DOCK1: variants seen among roughly 807,000 people sequenced by gnomAD.
DOCK1 encodes dedicator of cytokinesis protein 1.
In DOCK1, 138 loss-of-function variants were observed where a neutral mutation model predicts 262.7. The ratio of observed to expected loss-of-function variants is 0.53; its 90% confidence interval spans 0.46 to 0.61. The LOEUF is 0.61. Among genes scored for constraint, DOCK1 ranks in the 20% least tolerant of loss-of-function variants. DOCK1 has a pLI of 0.00. For synonymous variants in DOCK1, 866 were observed against 867.4 expected (o/e 1.00, Z 0.03); for missense variants, 1,908 against 2,370.7 (o/e 0.80, Z 4.05).
At chr10:126,976,656 C>T (rs111638449) in intron 2 of DOCK1, among the ~76,000 whole-genome samples, 1,651 of 152,174 alleles carry the variant, frequency 0.011, 32 homozygotes, top group African/African-American at 0.036. Context: ...GGAATTTACC[C>T]AGCTCACGTT....
At chr10:127,342,627 TTAAAAA>T (rs1408075776) in intron 30 of DOCK1, among the ~76,000 whole-genome samples, 17 of 152,314 alleles carry the variant, frequency 1.1e-4, no homozygotes, top group South Asian at 4.1e-4. Flanking sequence ...TCTCAGGTAA[TTAAAAA>T]TAGAGTCAAT....
chr10:127,156,278 A>G (rs754392597), intron 27 of DOCK1, among the ~76,000 whole-genome samples: 2 of 152,102 alleles, frequency 1.3e-5, no homozygotes, highest in South Asian at 2.1e-4. Flanking sequence ...ATACAGTCAC[A>G]CTTCAGGTCC....
chr10:127,345,696 C>G (rs922260206), intron 31 of DOCK1, among the ~76,000 whole-genome samples: 2 of 152,226 alleles, frequency 1.3e-5, no homozygotes. Context: ...CAGCCCACCA[C>G]CTTGGGGCCT....
chr10:127,090,715 T>G (rs1220873758), intron 23 of DOCK1, among the ~76,000 whole-genome samples: 6 of 152,182 alleles, frequency 3.9e-5, no homozygotes, highest in African/African-American at 1.4e-4. Flanking sequence ...ACGATTAGCT[T>G]CTTCTGCGTA....
chr10:127,292,229 A>AG (rs765669810), intron 29 of DOCK1, among the ~76,000 whole-genome samples: 41 of 146,198 alleles, frequency 2.8e-4, no homozygotes, highest in African/African-American at 1.0e-3. Context: ...TTTTCGGGGG[A>AG]GGGGGGGCCC....
intron 27 of DOCK1, among the ~76,000 whole-genome samples, chr10:127,245,130 T>C (rs2059388973): frequency 6.6e-6 from 1 of 152,194 alleles, no homozygotes; most frequent in African/African-American, 2.4e-5. Context: ...CTTCATGGTA[T>C]CTGCAGTATT....
intron 27 of DOCK1, among the ~76,000 whole-genome samples, chr10:127,181,119 G>A (rs1003985149): frequency 2.0e-5 from 3 of 152,168 alleles, no homozygotes; most frequent in Non-Finnish European, 2.9e-5. Flanking sequence ...ATCTTTTATT[G>A]TTTTGAGGGA....
intron 24 of DOCK1, among the ~76,000 whole-genome samples, chr10:127,106,861 C>T (rs887836909): frequency 6.6e-6 from 1 of 152,142 alleles, no homozygotes; most frequent in Non-Finnish European, 1.5e-5. Flanking sequence ...CCCTAACTTG[C>T]CGCCTCTCAG....
intron 27 of DOCK1, chr10:127,196,244 G>A (rs1176398004): frequency 6.7e-6 from 1 of 148,746 alleles, no homozygotes; most frequent in Admixed American, 6.7e-5. Context: ...CGCAGCTCGC[G>A]TCGCTCGCGT....
chr10:127,324,388 T>C (rs1183632153), intron 29 of DOCK1, among the ~76,000 whole-genome samples: 1 of 152,188 alleles, frequency 6.6e-6, no homozygotes, highest in Non-Finnish European at 1.5e-5. Flanking sequence ...GGAAAGTAGA[T>C]TTCTTGCAGG....
chr10:127,196,870 C>T (rs987445594), intron 27 of DOCK1, among the ~76,000 whole-genome samples: 3 of 151,890 alleles, frequency 2.0e-5, no homozygotes, highest in Non-Finnish European at 4.4e-5. Flanking sequence ...ACCCTGGAGC[C>T]GCCTCCGGAG....
chr10:127,109,426 C>T (rs996497981), intron 24 of DOCK1, among the ~76,000 whole-genome samples: 10 of 152,232 alleles, frequency 6.6e-5, no homozygotes, highest in African/African-American at 2.4e-4. Context: ...CTATTGTAGA[C>T]GGTTCAATTC....
At chr10:127,006,020 C>G (rs981854703) in intron 10 of DOCK1, among the ~76,000 whole-genome samples, 4 of 152,208 alleles carry the variant, frequency 2.6e-5, no homozygotes, top group South Asian at 2.1e-4. Context: ...TCCTGTGATT[C>G]CAGCAGTCCT....
At chr10:126,945,670 G>A (rs2134290263) in intron 1 of DOCK1, among the ~76,000 whole-genome samples, 1 of 152,274 alleles carries the variant, frequency 6.6e-6, no homozygotes, top group Admixed American at 6.5e-5. Context: ...TTTACCTGTG[G>A]ACATGCTCAG....
chr10:127,187,485 G>T (rs532523350), intron 27 of DOCK1, among the ~76,000 whole-genome samples: 4 of 152,330 alleles, frequency 2.6e-5, no homozygotes, highest in Admixed American at 2.6e-4. Flanking sequence ...CTTTGGAGGA[G>T]AGCATAGGTG....
intron 22 of DOCK1, among the ~76,000 whole-genome samples, chr10:127,055,192 C>T (rs2045051799): frequency 6.6e-6 from 1 of 152,006 alleles, no homozygotes; most frequent in African/African-American, 2.4e-5. Context: ...TAATGTGCAG[C>T]CCGGAGGAAG....
At chr10:127,294,501 T>C (rs928338388) in intron 29 of DOCK1, among the ~76,000 whole-genome samples, 2 of 151,770 alleles carry the variant, frequency 1.3e-5, no homozygotes, top group African/African-American at 2.4e-5. Context: ...TTTGTACTTT[T>C]AGTAGAGATG....
At chr10:126,997,492 G>A (rs2040288930) in intron 7 of DOCK1, among the ~76,000 whole-genome samples, 1 of 80,444 alleles carries the variant, frequency 1.2e-5, no homozygotes, top group East Asian at 3.4e-4. Flanking sequence ...GAAGAGAGAG[G>A]GTGTGCGGGG....
At chr10:126,957,147 A>G (rs1185359507) in intron 1 of DOCK1, among the ~76,000 whole-genome samples, 1 of 152,198 alleles carries the variant, frequency 6.6e-6, no homozygotes, top group African/African-American at 2.4e-5. Context: ...TTGGTTTTTA[A>G]TCTTCAATTT....
Sources: gnomAD v4.1 joint callset for allele counts (sites outside exome capture counted in the v4.1 genomes callset) on GRCh38, gnomAD v4.1.1 for gene constraint, MANE v1.5 for transcripts, NCBI Gene and HGNC (gene_info 2026-07-23, HGNC 2026-07-21) for gene names.